The following FAM184B variants were observed in gnomAD, a reference collection of about 807,000 sequenced individuals.
The protein encoded by FAM184B is family with sequence similarity 184 member B, also known as protein FAM184B.
In FAM184B, 111 loss-of-function variants were observed where a neutral mutation model predicts 135.9. The ratio of observed to expected loss-of-function variants is 0.82; its 90% CI spans 0.70 to 0.96. FAM184B has a LOEUF of 0.96. FAM184B is among the 40% of genes least tolerant of loss of function. The pLI is 0.00. For missense variants in FAM184B, 1,375 were observed against 1,323.9 expected (o/e 1.04, Z -0.60); for synonymous variants, 552 against 524.8 (o/e 1.05, Z -0.71).
intron 12 of FAM184B, among the ~76,000 whole-genome samples, chr4:17,647,184 C>T (rs959565625): frequency 1.3e-5 from 2 of 151,708 alleles, no homozygotes; most frequent in Admixed American, 6.6e-5. Context: ...TCCCACAGGC[C>T]TGTGGAGAAG....
At chr4:17,745,187 A>G (rs556013283) in intron 1 of FAM184B, among the ~76,000 whole-genome samples, 22 of 152,342 alleles carry the variant, frequency 1.4e-4, no homozygotes, top group African/African-American at 3.6e-4. Context: ...TGCCTTGCAG[A>G]ATAATCTAGA....
At position 17,632,589 on chromosome 4, in the gene FAM184B, G is replaced by GGT; in HGVS notation, c.3125_3126insAC (p.Gln1043ProfsTer41). On this transcript the variant is annotated frameshift_variant, in exon 18 of 18. Transcript: ENST00000265018. LOFTEE classifies it high-confidence loss of function. The stretch of plus-strand genomic sequence containing the variant: ...GGTGCGGAGAGCCCTGTTTCTGCTG[G>GGT]ACTTCTTTGGCTTGGGCCGTTTCAC... 6.4e-7 allele frequency: 1 copy of GGT among 1,551,330 alleles called. No individual in the cohort carries two copies. The highest frequency in any genetic ancestry group is 8.7e-7 in the Non-Finnish European group (1 of 1,146,788).
intron 5 of FAM184B, among the ~76,000 whole-genome samples, chr4:17,702,262 G>A (rs1235877058): frequency 6.6e-6 from 1 of 152,186 alleles, no homozygotes; most frequent in African/African-American, 2.4e-5. Context: ...TGATACAAAT[G>A]AGAATTGCAG....
intron 1 of FAM184B, among the ~76,000 whole-genome samples, chr4:17,737,140 G>A (rs1052369240): frequency 1.2e-4 from 18 of 148,982 alleles, no homozygotes; most frequent in Non-Finnish European, 2.2e-4. Context: ...GTGAGACTTC[G>A]TCTCAAAAAA....
chr4:17,642,649 C>A (rs765810293), intron 12 of FAM184B, among the ~76,000 whole-genome samples: 4 of 152,222 alleles, frequency 2.6e-5, no homozygotes, highest in Non-Finnish European at 5.9e-5. Flanking sequence ...ACCACCAAAT[C>A]TTGCTAACTC....
At chr4:17,636,826 T>C (rs1715155021) in intron 14 of FAM184B, among the ~76,000 whole-genome samples, 181 bp from the exon 15 acceptor site, 1 of 150,712 alleles carries the variant, frequency 6.6e-6, no homozygotes, top group Admixed American at 6.6e-5. Flanking sequence ...GGATTCCAGC[T>C]CTGTCAGGTC....
intron 7 of FAM184B, among the ~76,000 whole-genome samples, chr4:17,671,790 T>G (rs572843048): frequency 6.6e-6 from 1 of 152,008 alleles, no homozygotes; most frequent in East Asian, 1.9e-4. Flanking sequence ...AGAGAGGATA[T>G]ATTTTTAAAG....
In FAM184B at chr4:17,658,615, GT is replaced by G; in HGVS notation, c.1825-54del. 2.7e-6 allele frequency: 4 copies of G among 1,492,314 alleles called. No homozygotes were observed. In the South Asian group the frequency reaches 4.8e-5, roughly 18 times the overall value. The allele number at this position is 1,492,314 out of a possible 1,614,324, so 92.4% of individuals were successfully genotyped here. A position where few individuals can be genotyped will look rare whatever the true frequency, so the allele number is the denominator to read the frequency against. On this transcript the variant is annotated intron_variant, in intron 9 of 17. Transcript: ENST00000265018. ...CTAAGCCCCTTGCCTTTCCTGGGAT[GT>G]TTTCTTCAAATAAAAGCTTTCTAAA... is the stretch of plus-strand genomic sequence containing the variant.
intron 7 of FAM184B, among the ~76,000 whole-genome samples, chr4:17,686,539 T>C (rs547190793): frequency 1.3e-5 from 2 of 152,362 alleles, no homozygotes; most frequent in South Asian, 2.1e-4. Flanking sequence ...TCAGAGCCAG[T>C]AGTTCCATCC....
intron 1 of FAM184B, among the ~76,000 whole-genome samples, chr4:17,725,731 T>A (rs1205938531): frequency 6.6e-6 from 1 of 152,160 alleles, no homozygotes; most frequent in Non-Finnish European, 1.5e-5. Flanking sequence ...AGGCAGAAAG[T>A]GGCATTTAGT....
rs1212641943 is a variant in FAM184B, at chr4:17,781,032, C to T, written c.141+127G>A. The T allele has an allele frequency of 5.0e-6, 6 of 1,211,982 alleles. No individual in the cohort carries two copies. The Admixed American group carries it at 9.5e-5, about 19-fold the overall frequency. The allele number at this position is 1,211,982 out of a possible 1,614,324, so 75.1% of individuals were successfully genotyped here. A position where few individuals can be genotyped will look rare whatever the true frequency, so the allele number is the denominator to read the frequency against. On this transcript the variant is annotated intron_variant, in intron 1 of 17. Transcript: ENST00000265018. The surrounding 1 kb of genome is among the most constrained non-coding windows in gnomAD (Gnocchi z 6.5). Reference sequence around the variant, plus strand: ...CCAGATTTAGGACCGCTTCCCTTCCCGGTTGGCCTCCGAGACAAAGTTTCT... The same window carrying T: ...CCAGATTTAGGACCGCTTCCCTTCCTGGTTGGCCTCCGAGACAAAGTTTCT...
intron 12 of FAM184B, among the ~76,000 whole-genome samples, chr4:17,644,071 G>A (rs576269821): frequency 6.6e-6 from 1 of 152,348 alleles, no homozygotes; most frequent in Admixed American, 6.5e-5. Context: ...CAGGCAGGAG[G>A]AGTGGCACAG....
At chr4:17,766,099 A>C (rs1718677612) in intron 1 of FAM184B, among the ~76,000 whole-genome samples, 2 of 152,230 alleles carry the variant, frequency 1.3e-5, no homozygotes, top group Admixed American at 1.3e-4. Flanking sequence ...ATTTATTACA[A>C]AGAGCAAGAT....
intron 7 of FAM184B, among the ~76,000 whole-genome samples, chr4:17,687,243 C>A (rs1716610062): frequency 6.6e-6 from 1 of 152,140 alleles, no homozygotes; most frequent in South Asian, 2.1e-4. Context: ...TGGTAAGATT[C>A]AGACTGACCC....
At chr4:17,699,453 C>A (rs1716936393) in intron 5 of FAM184B, among the ~76,000 whole-genome samples, 3 of 151,848 alleles carry the variant, frequency 2.0e-5, no homozygotes, top group African/African-American at 7.3e-5. Flanking sequence ...TTGAAAGCAG[C>A]CGATAAGAAG....
rs538623394 is a variant in FAM184B, at chr4:17,719,631, C to T, written c.142-9987G>A. On this transcript the variant is annotated intron_variant, in intron 1 of 17. Transcript: ENST00000265018. ...CTCCTTCATTACCATTAGTGGATCA[C>T]TCCTATCAATACATAACTGTGCTGT... Among the ~76,000 whole-genome samples, 3 of 152,312 alleles carry T rather than the reference C, an allele frequency of 2.0e-5. No individual in the cohort carries two copies. In the East Asian group the frequency reaches 5.8e-4, roughly 29 times the overall value.
At chr4:17,731,388 G>T (rs1229746807) in intron 1 of FAM184B, among the ~76,000 whole-genome samples, 1 of 152,180 alleles carries the variant, frequency 6.6e-6, no homozygotes, top group African/African-American at 2.4e-5. Flanking sequence ...CTGGCAAATT[G>T]GATAAAGAGT....
At chr4:17,776,192 T>C (rs899415127) in intron 1 of FAM184B, among the ~76,000 whole-genome samples, 1 of 152,076 alleles carries the variant, frequency 6.6e-6, no homozygotes, top group Non-Finnish European at 1.5e-5. Flanking sequence ...GCTTATTACT[T>C]TAAGGACATA....
rs1257859563 is a variant in FAM184B at position 17,709,364 on chromosome 4, G to A, written c.422C>T (p.Ala141Val). The A allele has an allele frequency of 3.2e-6, 5 of 1,544,862 alleles. No individual in the cohort carries two copies. The highest frequency in any genetic ancestry group is 3.5e-6 in the Non-Finnish European group (4 of 1,142,618). Reference sequence around the variant, plus strand: ...CCTGGAGAGCGTGAGGACTCGCTCGGCGTGCTCTGCCTCCACCCTCAGCTC... The same window carrying A: ...CCTGGAGAGCGTGAGGACTCGCTCGACGTGCTCTGCCTCCACCCTCAGCTC... ...ERELRVEAEH[A>V]ERVLTLSREM... Residue 141 changes from alanine (A) to valine (V), a missense_variant, in exon 2 of 18, where the codon GCC becomes GTC. By Grantham distance (64) the Ala-to-Val change is moderately conservative. Transcript: ENST00000265018.
Sources: allele counts gnomAD v4.1 joint callset (sites outside exome capture counted in the v4.1 genomes callset), GRCh38; gene constraint gnomAD v4.1.1; non-coding constraint Gnocchi (gnomAD v3.1); transcripts MANE v1.5; gene names NCBI Gene and HGNC (gene_info 2026-07-23, HGNC 2026-07-21).